The following EPHA6 variants were observed in gnomAD, a reference collection of about 807,000 sequenced individuals.
The protein encoded by EPHA6 is ephrin type-A receptor 6.
Under a neutral mutation model 112.0 loss-of-function variants are expected in EPHA6, and 50 were observed. The ratio of observed to expected loss-of-function variants is 0.45; its 90% CI spans 0.36 to 0.56. The LOEUF is 0.56. Ranked by LOEUF, EPHA6 falls within the 20% of genes least tolerant of loss-of-function variation. The pLI, the probability that EPHA6 is intolerant of heterozygous loss-of-function variation, is 0.00. For synonymous variants in EPHA6, 529 were observed against 490.7 expected (o/e 1.08, Z -1.03); for missense variants, 1,280 against 1,417.4 (o/e 0.90, Z 1.56).
At chr3:97,627,015 AG>A in intron 13 of EPHA6, among the ~76,000 whole-genome samples, 1 of 152,034 alleles carries the variant, frequency 6.6e-6, no homozygotes, top group South Asian at 2.1e-4. Context: ...TCTATGGGTC[AG>A]TCATTATTCC....
intron 11 of EPHA6, chr3:97,590,182 C>G (rs1357899946): frequency 6.6e-6 from 1 of 152,162 alleles, no homozygotes; most frequent in Non-Finnish European, 1.5e-5. Flanking sequence ...TTCATGTACA[C>G]CAGTCCTTCT....
chr3:97,185,035 C>A, intron 3 of EPHA6, among the ~76,000 whole-genome samples: 1 of 152,118 alleles, frequency 6.6e-6, no homozygotes, highest in East Asian at 1.9e-4. Flanking sequence ...AAACTGGATC[C>A]CTTCCTTACA....
At chr3:96,948,006 G>A (rs1467172811) in intron 2 of EPHA6, among the ~76,000 whole-genome samples, 5 of 152,024 alleles carry the variant, frequency 3.3e-5, no homozygotes, top group African/African-American at 9.7e-5. Flanking sequence ...CTACACTACA[G>A]GGCTACGATA....
At chr3:97,055,565 A>T (rs2045825830) in intron 3 of EPHA6, among the ~76,000 whole-genome samples, 1 of 152,138 alleles carries the variant, frequency 6.6e-6, no homozygotes, top group African/African-American at 2.4e-5. Context: ...TAAACAGCTG[A>T]GTGCTTAAGT....
intron 10 of EPHA6, among the ~76,000 whole-genome samples, chr3:97,496,582 G>A (rs1440450563): frequency 1.3e-5 from 2 of 152,042 alleles, no homozygotes; most frequent in Non-Finnish European, 2.9e-5. Context: ...ACTTCTATAA[G>A]AATATCTTCT....
intron 5 of EPHA6, among the ~76,000 whole-genome samples, chr3:97,369,787 A>G (rs1186221841): frequency 6.6e-6 from 1 of 152,170 alleles, no homozygotes; most frequent in Admixed American, 6.6e-5. Context: ...TGTATGTGGT[A>G]AATAATATCT....
chr3:97,016,039 T>TG (rs58855508), intron 3 of EPHA6, among the ~76,000 whole-genome samples: 24,235 of 143,118 alleles, frequency 0.17, 2,501 homozygotes, highest in Middle Eastern at 0.26. Flanking sequence ...TCATTCTTCC[T>TG]GAAAAAAAAA....
At chr3:97,465,497 T>C (rs1258326257) in intron 7 of EPHA6, among the ~76,000 whole-genome samples, 1 of 152,000 alleles carries the variant, frequency 6.6e-6, no homozygotes, top group Admixed American at 6.6e-5. Flanking sequence ...CTTTTTAAAA[T>C]AGAATAGTCT....
At chr3:96,918,869 C>T (rs1229437151) in intron 2 of EPHA6, among the ~76,000 whole-genome samples, 1 of 151,876 alleles carries the variant, frequency 6.6e-6, no homozygotes, top group South Asian at 2.1e-4. Flanking sequence ...AATTTCAGTT[C>T]TAACCTACTA....
intron 2 of EPHA6, among the ~76,000 whole-genome samples, chr3:96,903,774 A>G (rs1166503329): frequency 6.6e-6 from 1 of 152,126 alleles, no homozygotes; most frequent in Non-Finnish European, 1.5e-5. Flanking sequence ...AAAACAAACA[A>G]CCCCATCAAA....
At chr3:97,493,947 T>C (rs758788122) in intron 10 of EPHA6, among the ~76,000 whole-genome samples, 4 of 152,166 alleles carry the variant, frequency 2.6e-5, no homozygotes, top group Non-Finnish European at 4.4e-5. Flanking sequence ...TTCAGTTACT[T>C]TTCAGATAAT....
chr3:96,849,313 CTG>C, intron 1 of EPHA6, among the ~76,000 whole-genome samples: 1 of 152,200 alleles, frequency 6.6e-6, no homozygotes, highest in African/African-American at 2.4e-5. Flanking sequence ...TTCATTAACA[CTG>C]TGGGAGTTTG....
At chr3:97,474,759 T>C (rs2091322478) in intron 7 of EPHA6, among the ~76,000 whole-genome samples, 1 of 152,008 alleles carries the variant, frequency 6.6e-6, no homozygotes, top group African/African-American at 2.4e-5. Context: ...TCTGGTCTTT[T>C]CTTCAAAAAA....
intron 3 of EPHA6, among the ~76,000 whole-genome samples, chr3:97,179,339 A>G (rs1220485002): frequency 6.6e-6 from 1 of 152,044 alleles, no homozygotes; most frequent in African/African-American, 2.4e-5. Context: ...TCTCTGTCTG[A>G]AAAGTCATAT....
At position 97,745,435 on chromosome 3, in the gene EPHA6, A is replaced by C. The variant is rs2035672226; in HGVS notation, c.3129-1988A>C. 1.1e-5 allele frequency: 5 copies of C among 440,214 alleles called. No individual in the cohort carries two copies. In the Admixed American group the frequency reaches 1.3e-4, roughly 11 times the overall value. The allele number at this position is 440,214 out of a possible 1,614,324, so 27.3% of individuals were successfully genotyped here. A position where few individuals can be genotyped will look rare whatever the true frequency, so the allele number is the denominator to read the frequency against. On this transcript the variant is annotated intron_variant, in intron 16 of 17. Transcript: ENST00000389672. The stretch of plus-strand genomic sequence containing the variant: ...AAAATAACGTTGCAATATGTAGTAC[A>C]GGAAAAAAGAATGCAGCTTAACAGC...
At chr3:97,647,758 ACACATT>A (rs1225871295) in intron 14 of EPHA6, among the ~76,000 whole-genome samples, 1 of 152,152 alleles carries the variant, frequency 6.6e-6, no homozygotes, top group Non-Finnish European at 1.5e-5. Context: ...TGAGTTTGAC[ACACATT>A]CACATGGACA....
intron 2 of EPHA6, among the ~76,000 whole-genome samples, chr3:96,921,027 C>T (rs1166682364): frequency 6.6e-6 from 1 of 152,108 alleles, no homozygotes; most frequent in Middle Eastern, 3.8e-3. Flanking sequence ...AGAGTTAATT[C>T]TCATGCAGAT....
At chr3:96,878,281 C>T (rs1287006921) in intron 2 of EPHA6, among the ~76,000 whole-genome samples, 1 of 151,518 alleles carries the variant, frequency 6.6e-6, no homozygotes. Flanking sequence ...CATTAGAAGA[C>T]ATGAATGGAG....
intron 3 of EPHA6, among the ~76,000 whole-genome samples, chr3:97,168,983 A>G (rs2076616793): frequency 6.6e-6 from 1 of 152,162 alleles, no homozygotes; most frequent in Admixed American, 6.6e-5. Flanking sequence ...CAGTGTGATA[A>G]TGGACTAATA....
Sources: allele counts gnomAD v4.1 joint callset (sites outside exome capture counted in the v4.1 genomes callset), GRCh38; gene constraint gnomAD v4.1.1; transcripts MANE v1.5; gene names NCBI Gene and HGNC (gene_info 2026-07-23, HGNC 2026-07-21).